Variants in DMD observed in about 807,000 individuals in gnomAD.
DMD encodes dystrophin.
In DMD, 63 loss-of-function variants were observed where a neutral mutation model predicts 330.1. That is an observed-to-expected ratio of 0.19 (90% confidence interval 0.16 to 0.24). The LOEUF (loss-of-function observed/expected upper bound fraction) is 0.24. Among genes scored for constraint, DMD ranks in the 10% least tolerant of loss-of-function variants. The pLI is 1.00. For missense variants in DMD, 3,344 were observed against 2,684.1 expected (o/e 1.25, Z -5.43); for synonymous variants, 1,223 against 959.8 (o/e 1.27, Z -5.07).
rs762446133 is a variant in DMD, at chrX:33,207,826, T to C, written c.31+3456A>G. Among the ~76,000 whole-genome samples, 9 of 111,611 alleles carry C rather than the reference T, an allele frequency of 8.1e-5. No individual in the cohort carries two copies. The South Asian group carries it at 3.3e-3, about 42-fold the overall frequency. ...GTTTTTTGAAGATCAGTATACTGCA[T>C]TGAGCACACTCTACAAGGGGAAATA... On this transcript the variant is annotated intron_variant, in intron 1 of 78. Transcript: ENST00000357033.
At chrX:32,054,360 C>A (rs1214593474) in intron 44 of DMD, among the ~76,000 whole-genome samples, 1 of 74,316 alleles carries the variant, frequency 1.3e-5, no homozygotes, top group Non-Finnish European at 2.4e-5. Context: ...CACCCCACAA[C>A]AGGCCCCGGT....
chrX:31,705,003 C>T (rs1431658022), intron 52 of DMD, among the ~76,000 whole-genome samples: 1 of 111,993 alleles, frequency 8.9e-6, no homozygotes. Context: ...AAAGGAAAAA[C>T]TAAAAAAGAA....
chrX:32,467,468 G>A (rs1216740927), intron 23 of DMD, among the ~76,000 whole-genome samples: 3 of 109,351 alleles, frequency 2.7e-5, no homozygotes, highest in African/African-American at 1.0e-4. Context: ...AAGGTGATGT[G>A]GTAAAATTTA....
intron 42 of DMD, among the ~76,000 whole-genome samples, chrX:32,294,591 C>T (rs1247899038): frequency 2.7e-5 from 3 of 111,092 alleles, no homozygotes; most frequent in Non-Finnish European, 3.8e-5. Flanking sequence ...GTTACTAACG[C>T]GGGAAAACTT....
intron 2 of DMD, among the ~76,000 whole-genome samples, chrX:32,959,124 C>A (rs762679331): frequency 1.8e-5 from 2 of 112,189 alleles, no homozygotes; most frequent in African/African-American, 6.5e-5. Context: ...AATAACTTCA[C>A]AGCAATGTGG....
chrX:32,865,362 T>G (rs2082399659), intron 2 of DMD, among the ~76,000 whole-genome samples: 1 of 111,746 alleles, frequency 8.9e-6, no homozygotes, highest in Admixed American at 9.6e-5. Context: ...AAATAAAAGA[T>G]ATCTTCACTG....
intron 29 of DMD, among the ~76,000 whole-genome samples, chrX:32,413,712 T>G (rs1357058687): frequency 1.1e-5 from 1 of 91,321 alleles, no homozygotes; most frequent in Non-Finnish European, 2.2e-5. Flanking sequence ...GCTCTATTCT[T>G]TTTTTTTTTT....
intron 17 of DMD, among the ~76,000 whole-genome samples, chrX:32,534,192 C>T (rs2047734792): frequency 8.9e-6 from 1 of 111,955 alleles, no homozygotes; most frequent in Non-Finnish European, 1.9e-5. Context: ...AATTAAGGTA[C>T]CAGCAGGATC....
intron 11 of DMD, among the ~76,000 whole-genome samples, chrX:32,617,286 T>A (rs908843836): frequency 9.0e-6 from 1 of 111,668 alleles, no homozygotes; most frequent in African/African-American, 3.3e-5. Flanking sequence ...AAGGATGTTT[T>A]TTATTTCCCA....
At chrX:32,936,492 C>T (rs1488372293) in intron 2 of DMD, among the ~76,000 whole-genome samples, 1 of 111,896 alleles carries the variant, frequency 8.9e-6, no homozygotes, top group Non-Finnish European at 1.9e-5. Context: ...TTTTCATTCA[C>T]CATGAGTTAC....
intron 7 of DMD, among the ~76,000 whole-genome samples, chrX:32,775,170 G>A (rs1569517267): frequency 8.9e-6 from 1 of 112,742 alleles, no homozygotes; most frequent in East Asian, 2.8e-4. Context: ...CCATGACCTT[G>A]GACAGCTCCA....
chrX:32,216,022 G>A (rs1484041103), intron 44 of DMD, among the ~76,000 whole-genome samples: 1 of 112,046 alleles, frequency 8.9e-6, no homozygotes, highest in Non-Finnish European at 1.9e-5. Flanking sequence ...ATGTGATACT[G>A]CTTTTGTGAA....
chrX:32,103,432 C>A (rs916325584), intron 44 of DMD, among the ~76,000 whole-genome samples: 7 of 111,210 alleles, frequency 6.3e-5, no homozygotes, highest in African/African-American at 2.3e-4. Flanking sequence ...TAGCTGAAAA[C>A]AAAAGCGCAT....
chrX:32,232,543 T>C (rs1480503639), intron 43 of DMD, among the ~76,000 whole-genome samples: 2 of 111,666 alleles, frequency 1.8e-5, no homozygotes, highest in Admixed American at 9.5e-5. Flanking sequence ...GACCCAAGTA[T>C]AGCAGCTCTA....
At chrX:31,135,214 G>C (rs1343471554) in intron 76 of DMD, among the ~76,000 whole-genome samples, 1 of 112,144 alleles carries the variant, frequency 8.9e-6, no homozygotes, top group Non-Finnish European at 1.9e-5. Flanking sequence ...ACACAAAAGA[G>C]TAAGAATTGA....
intron 4 of DMD, among the ~76,000 whole-genome samples, chrX:32,838,308 A>T (rs1196060630): frequency 9.0e-6 from 1 of 110,997 alleles, no homozygotes; most frequent in African/African-American, 3.3e-5. Flanking sequence ...CAGGTTTGTT[A>T]CATAGTTATA....
chrX:32,645,276 C>G lies in DMD; in HGVS notation c.961-124G>C, dbSNP rs72470510. On this transcript the variant is annotated intron_variant, in intron 9 of 78. Transcript: ENST00000357033. ...GACTGTCCACTGGCATTATCAAACA[C>G]AGGAACAGCAGATACAGACAATAGG... 1,877 of 706,364 alleles carry G rather than the reference C, an allele frequency of 2.7e-3. 19 individuals are homozygous for G. The African/African-American group carries it at 0.036, about 13-fold the overall frequency. The allele number at this position is 706,364 out of a possible 1,213,427, so 58.2% of individuals were successfully genotyped here.
At chrX:32,926,831 G>C (rs1308525146) in intron 2 of DMD, among the ~76,000 whole-genome samples, 2 of 108,911 alleles carry the variant, frequency 1.8e-5, no homozygotes, top group Non-Finnish European at 3.8e-5. Context: ...GCTTGACTGA[G>C]CCATTCATAT....
At chrX:33,224,826 G>T (rs1316911866) in intron 1 of DMD, among the ~76,000 whole-genome samples, 1 of 111,305 alleles carries the variant, frequency 9.0e-6, no homozygotes, top group African/African-American at 3.3e-5. Flanking sequence ...GGCACAATGG[G>T]TAGATGGGAA....
Sources: gnomAD v4.1 joint callset for allele counts (sites outside exome capture counted in the v4.1 genomes callset) on GRCh38, gnomAD v4.1.1 for gene constraint, MANE v1.5 for transcripts, NCBI Gene and HGNC (gene_info 2026-07-23, HGNC 2026-07-21) for gene names.